Variants in HGF observed in about 807,000 individuals in gnomAD.
HGF encodes hepatocyte growth factor.
Under a neutral mutation model 111.6 loss-of-function variants are expected in HGF, and 39 were observed. The ratio of observed to expected loss-of-function variants is 0.35; its 90% CI spans 0.27 to 0.46. The LOEUF is 0.46. Among genes scored for constraint, HGF ranks in the 20% least tolerant of loss-of-function variants. The probability of loss-of-function intolerance (pLI) is 1.00; values close to 1 mark genes in which losing one functional copy is unlikely to be tolerated. For synonymous variants in HGF, 285 were observed against 294.8 expected (o/e 0.97, Z 0.34); for missense variants, 735 against 910.5 (o/e 0.81, Z 2.48).
rs1180871983 is a variant in HGF, at chr7:81,756,011, C to T, written c.482+1178G>A. 1.0e-5 allele frequency: 7 copies of T among 701,372 alleles called. No individual in the cohort carries two copies. In the Admixed American group the frequency reaches 1.0e-4, roughly 10 times the overall value. 43.4% of individuals were successfully genotyped at this position (701,372 alleles called of 1,614,324 possible). ...AAGAATCATCTTGCAGAATTGTGTC[C>T]CCAAAATGGAATAGAATAAAAAGTG... On this transcript the variant is annotated intron_variant, in intron 4 of 17. Transcript: ENST00000222390.
chr7:81,746,814 T>C (rs547822535), intron 5 of HGF, among the ~76,000 whole-genome samples: 1 of 152,302 alleles, frequency 6.6e-6, no homozygotes, highest in African/African-American at 2.4e-5. Context: ...AATAGCTACA[T>C]GAATGAAACA....
intron 7 of HGF, chr7:81,742,930 T>C: frequency 6.2e-7 from 1 of 1,613,428 alleles, no homozygotes; most frequent in South Asian, 1.1e-5. Context: ...CACCATCAGT[T>C]GAGAGCCCAT....
intron 7 of HGF, among the ~76,000 whole-genome samples, chr7:81,732,805 A>G (rs1787709225): frequency 6.6e-6 from 1 of 152,164 alleles, no homozygotes; most frequent in South Asian, 2.1e-4. Context: ...ATTTGAGAGC[A>G]AATTTTGAAA....
chr7:81,759,433 A>C (rs1392444339), intron 2 of HGF, among the ~76,000 whole-genome samples: 3 of 152,228 alleles, frequency 2.0e-5, no homozygotes, highest in African/African-American at 7.2e-5. Context: ...GTTTATTAAA[A>C]GCTATGAAAA....
intron 13 of HGF, among the ~76,000 whole-genome samples, chr7:81,709,852 A>G (rs560573909): frequency 6.6e-6 from 1 of 152,308 alleles, no homozygotes; most frequent in Admixed American, 6.5e-5. Context: ...TAAGGTTTCA[A>G]TAGGTCCTCC....
chr7:81,726,030 A>G lies in HGF; in HGVS notation c.1041-13T>C. 6.2e-7 allele frequency: 1 copy of G among 1,613,740 alleles called. No individual in the cohort carries two copies. Among genetic ancestry groups the G allele is most frequent in the Non-Finnish European group, 8.5e-7 (1 of 1,179,642 alleles). On this transcript the variant is annotated splice_polypyrimidine_tract_variant and intron_variant, in intron 8 of 17. Coordinates refer to ENST00000222390, the MANE Select transcript of HGF (RefSeq NM_000601.6). Reference sequence around the variant, plus strand: ...TTCTCGTAGGTCCCTATTGAGAATAAGCATGTTAATGTAAATTGCCGGAGT... The same window carrying G: ...TTCTCGTAGGTCCCTATTGAGAATAGGCATGTTAATGTAAATTGCCGGAGT...
At chr7:81,711,000 A>C (rs1469829187) in intron 12 of HGF, among the ~76,000 whole-genome samples, 1 of 152,160 alleles carries the variant, frequency 6.6e-6, no homozygotes, top group East Asian at 1.9e-4. Context: ...ACAGATTCTT[A>C]AACTGAGGAT....
At chr7:81,752,360 A>G in intron 4 of HGF, 98 bp from the exon 5 acceptor site, 1 of 954,560 alleles carries the variant, frequency 1.0e-6, no homozygotes, top group Non-Finnish European at 1.7e-6. Flanking sequence ...CTGAAGGTAG[A>G]AAAATCCTTT....
At chr7:81,723,294 T>C (rs1789921862) in intron 9 of HGF, among the ~76,000 whole-genome samples, 1 of 152,134 alleles carries the variant, frequency 6.6e-6, no homozygotes. Flanking sequence ...GAATTTACCC[T>C]TTCATATAGT....
chr7:81,762,519 C>G (rs5745629), intron 2 of HGF, among the ~76,000 whole-genome samples, 188 bp downstream of exon 2: 1 of 152,160 alleles, frequency 6.6e-6, no homozygotes, highest in African/African-American at 2.4e-5. Flanking sequence ...AGTTTTTGCG[C>G]TCTCCCTTAC....
rs895693535 is a variant in HGF, at chr7:81,701,114, A to C, written c.*1467T>G. On this transcript the variant is annotated 3_prime_UTR_variant, in exon 18 of 18. Coordinates refer to ENST00000222390, the MANE Select transcript of HGF (RefSeq NM_000601.6). ...CTCAACAAATACATGATCTTTAGCT[A>C]AGCATGACAAATACAATGATAAATA... is the stretch of plus-strand genomic sequence containing the variant. 9.2e-5 allele frequency: 14 copies of C among 151,638 alleles called. No homozygotes were observed. Among genetic ancestry groups the C allele is most frequent in the African/African-American group, 2.9e-4 (12 of 41,418 alleles). 9.4% of individuals were successfully genotyped at this position (151,638 alleles called of 1,614,324 possible).
At chr7:81,702,962 A>G (rs940400270) in intron 17 of HGF, among the ~76,000 whole-genome samples, 3 of 151,764 alleles carry the variant, frequency 2.0e-5, no homozygotes, top group African/African-American at 7.2e-5. Context: ...TACAAAGTTT[A>G]AAGTGTTCTA....
At chr7:81,744,150 A>T (rs1380136881) in intron 6 of HGF, among the ~76,000 whole-genome samples, 1 of 152,180 alleles carries the variant, frequency 6.6e-6, no homozygotes, top group Non-Finnish European at 1.5e-5. Context: ...CAAAGAAAAA[A>T]CACCTAACAG....
rs1231188726 is a variant in HGF at position 81,717,245 on chromosome 7, G to A, written c.1392C>T (p.Cys464=). ...TGNPLIPWDY[C]PISRCEGDTT... is the part of the protein sequence containing the mutation. ...AACTGTACTTACAACGAGAAATAGG[G>A]CAATAATCCCAAGGAATGAGTGGAT... is the stretch of plus-strand genomic sequence containing the variant. Residue 464 remains cysteine, a synonymous_variant, in exon 11 of 18, where the codon TGC becomes TGT. Transcript: ENST00000222390. The A allele has an allele frequency of 1.4e-5, 23 of 1,613,486 alleles. No individual in the cohort carries two copies. The East Asian group carries it at 4.9e-4, about 34-fold the overall frequency.
chr7:81,726,146 A>G (rs1020457217), intron 8 of HGF, 129 bp from the exon 9 acceptor site: 1 of 865,072 alleles, frequency 1.2e-6, no homozygotes, highest in African/African-American at 1.7e-5. Context: ...TTGGACTCAG[A>G]ATAGCTATAA....
Position 81,742,829 on chromosome 7 carries a change from G to A in HGF, c.865+524C>T, listed in dbSNP as rs1198150661. ...GTACAAAGACAGCGAGAGAGGTAGG[G>A]ATCAGCTATAAAGATTAGAGACATC... On this transcript the variant is annotated intron_variant, in intron 7 of 17. Coordinates refer to ENST00000222390, the MANE Select transcript of HGF (RefSeq NM_000601.6). 5 of 1,570,492 alleles carry A rather than the reference G, an allele frequency of 3.2e-6. No homozygotes were observed. In the African/African-American group the frequency reaches 6.8e-5, roughly 21 times the overall value.
In HGF at chr7:81,710,234, A is replaced by G. The variant is rs397516446; in HGVS notation, c.1454T>C (p.Ile485Thr). 1.2e-6 allele frequency: 2 copies of G among 1,611,368 alleles called. No individual in the cohort carries two copies. The highest frequency in any genetic ancestry group is 1.7e-6 in the Non-Finnish European group (2 of 1,177,538). Residue 485 changes from isoleucine (I) to threonine (T), a missense_variant, in exon 13 of 18, where the codon ATA (isoleucine) becomes ACA (threonine). Around this residue, in one of 3 missense-constraint regions of HGF, gnomAD observed 553 missense variants for 685.6 expected, o/e 0.81. Coordinates refer to ENST00000222390, the MANE Select transcript of HGF (RefSeq NM_000601.6). ...PTIVNLDHPV[I>T]SCAKTKQLRV... The stretch of plus-strand genomic sequence containing the variant: ...CAATTGTTTCGTTTTGGCACAAGAT[A>G]TTACGGGATCTGAAACAGGACCAAA...
intron 8 of HGF, among the ~76,000 whole-genome samples, chr7:81,726,270 G>T (rs1790007581): frequency 6.6e-6 from 1 of 152,026 alleles, no homozygotes; most frequent in Admixed American, 6.5e-5. Context: ...AAACATTACT[G>T]CTTCATAAAA....
rs751819844 is a variant in HGF at position 81,705,724 on chromosome 7, G to A, written c.1787C>T (p.Thr596Met). 49 of 1,611,210 alleles carry A rather than the reference G, an allele frequency of 3.0e-5. No individual in the cohort carries two copies. Among genetic ancestry groups the A allele is most frequent in the Admixed American group, 1.3e-4 (8 of 59,748 alleles). Residue 596 changes from threonine (T) to methionine (M), a missense_variant, in exon 16 of 18, where the codon ACG becomes ATG. Coordinates refer to ENST00000222390, the MANE Select transcript of HGF (RefSeq NM_000601.6). ...RPAVLDDFVS[T>M]IDLPNYGCTI... ...GCATCCATAATTAGGTAAATCAATCGTACTAACAAAATCATCCAGGACAGC... is the reference window on the plus strand; with the variant it reads ...GCATCCATAATTAGGTAAATCAATCATACTAACAAAATCATCCAGGACAGC...
Sources: gnomAD v4.1 joint callset for allele counts (sites outside exome capture counted in the v4.1 genomes callset) on GRCh38, gnomAD v4.1.1 for gene constraint, gnomAD v4.1.1 regional missense constraint, MANE v1.5 for transcripts, NCBI Gene and HGNC (gene_info 2026-07-23, HGNC 2026-07-21) for gene names.